The following LRBA variants were observed in gnomAD, a reference collection of about 807,000 sequenced individuals.
LRBA encodes LPS responsive beige-like anchor protein, also known as lipopolysaccharide-responsive and beige-like anchor protein.
In LRBA, 176 loss-of-function variants were observed where a neutral mutation model predicts 330.0. The ratio of observed to expected loss-of-function variants is 0.53; its 90% CI spans 0.47 to 0.60. The LOEUF (loss-of-function observed/expected upper bound fraction) is 0.60, where lower values mean the gene tolerates loss of function less well. Among genes scored for constraint, LRBA ranks in the 20% least tolerant of loss-of-function variants. LRBA has a pLI of 0.00. For missense variants in LRBA, 3,259 were observed against 3,444.8 expected (o/e 0.95, Z 1.35); for synonymous variants, 1,230 against 1,193.0 (o/e 1.03, Z -0.64).
chr4:150,970,106 T>G (rs751124698), intron 2 of LRBA, among the ~76,000 whole-genome samples: 3 of 152,224 alleles, frequency 2.0e-5, no homozygotes, highest in Non-Finnish European at 2.9e-5. Flanking sequence ...TAGGACACTC[T>G]GAATGCTCAG....
At chr4:150,320,324 G>A (rs887365097) in intron 50 of LRBA, among the ~76,000 whole-genome samples, 2 of 152,050 alleles carry the variant, frequency 1.3e-5, no homozygotes, top group Non-Finnish European at 2.9e-5. Flanking sequence ...TGATTCTAAT[G>A]GTTATTTCAG....
intron 40 of LRBA, among the ~76,000 whole-genome samples, chr4:150,500,159 C>A (rs776900647): frequency 6.6e-6 from 1 of 151,986 alleles, no homozygotes. Context: ...ATGCTAATTA[C>A]CCTGATCTGA....
At chr4:150,877,527 A>T (rs1754182015) in intron 17 of LRBA, among the ~76,000 whole-genome samples, 1 of 152,248 alleles carries the variant, frequency 6.6e-6, no homozygotes. Context: ...TCAGATATAT[A>T]AAACAACGAC....
At chr4:150,377,469 A>G (rs906009709) in intron 47 of LRBA, among the ~76,000 whole-genome samples, 6 of 152,206 alleles carry the variant, frequency 3.9e-5, no homozygotes, top group Non-Finnish European at 5.9e-5. Context: ...AAGGACCCTT[A>G]TACTATGCAG....
At chr4:150,504,689 C>T (rs914979236) in intron 40 of LRBA, among the ~76,000 whole-genome samples, 22 of 152,252 alleles carry the variant, frequency 1.4e-4, no homozygotes, top group South Asian at 4.1e-4. Flanking sequence ...CATCAACTAA[C>T]GAGCAAAATA....
intron 53 of LRBA, among the ~76,000 whole-genome samples, chr4:150,289,079 A>G (rs1316761566): frequency 6.6e-6 from 1 of 152,156 alleles, no homozygotes; most frequent in Non-Finnish European, 1.5e-5. Context: ...TCTTTAATGT[A>G]AAAGAGTTGA....
chr4:150,333,843 G>GA (rs1361766593), intron 48 of LRBA, among the ~76,000 whole-genome samples: 2 of 152,044 alleles, frequency 1.3e-5, no homozygotes, highest in Admixed American at 6.5e-5. Flanking sequence ...ATTCCTAAAG[G>GA]AAAAAAATCC....
At chr4:150,450,853 G>A (rs965263995) in intron 44 of LRBA, among the ~76,000 whole-genome samples, 2 of 151,988 alleles carry the variant, frequency 1.3e-5, no homozygotes, top group Admixed American at 6.6e-5. Context: ...TGGCCAACAC[G>A]GCAAAACCTG....
chr4:150,670,298 T>TC (rs1302992497), intron 37 of LRBA, among the ~76,000 whole-genome samples: 10 of 152,214 alleles, frequency 6.6e-5, no homozygotes, highest in African/African-American at 2.2e-4. Flanking sequence ...TACCTCCCAT[T>TC]TATAAATTAT....
intron 2 of LRBA, among the ~76,000 whole-genome samples, chr4:150,945,737 G>C (rs1453995091): frequency 6.6e-6 from 1 of 151,918 alleles, no homozygotes; most frequent in Non-Finnish European, 1.5e-5. Flanking sequence ...TTCAAATGCA[G>C]ACAAATTTTT....
intron 47 of LRBA, among the ~76,000 whole-genome samples, chr4:150,353,733 T>TA (rs1275215465): frequency 6.6e-6 from 1 of 152,160 alleles, no homozygotes; most frequent in Non-Finnish European, 1.5e-5. Context: ...GACCTCACCT[T>TA]ACATTGTCAT....
intron 30 of LRBA, among the ~76,000 whole-genome samples, chr4:150,825,904 G>A (rs559588635): frequency 1.3e-5 from 2 of 151,964 alleles, no homozygotes; most frequent in South Asian, 2.1e-4. Context: ...AATTAATCCC[G>A]CATAAGAACT....
At chr4:150,336,201 C>T (rs1734707889) in intron 48 of LRBA, among the ~76,000 whole-genome samples, 1 of 152,160 alleles carries the variant, frequency 6.6e-6, no homozygotes. Flanking sequence ...CTTTTCTGCT[C>T]CTCTCCCAAG....
At chr4:150,451,329 GA>G (rs1753315827) in intron 44 of LRBA, among the ~76,000 whole-genome samples, 1 of 151,586 alleles carries the variant, frequency 6.6e-6, no homozygotes, top group Non-Finnish European at 1.5e-5. Context: ...CTCAGTAACT[GA>G]AAAGAACTGA....
chr4:150,359,980 A>AG (rs1241409699), intron 47 of LRBA, among the ~76,000 whole-genome samples: 2 of 7,702 alleles, frequency 2.6e-4, no homozygotes, highest in Non-Finnish European at 4.7e-3. Flanking sequence ...ACTCCGTCTC[A>AG]AAAAAAAAAG....
chr4:150,865,401 T>C (rs1330739322), intron 22 of LRBA, among the ~76,000 whole-genome samples: 2 of 152,184 alleles, frequency 1.3e-5, no homozygotes, highest in African/African-American at 2.4e-5. Context: ...ATATACAATA[T>C]ATAAAGGAAT....
intron 33 of LRBA, among the ~76,000 whole-genome samples, chr4:150,801,738 CTAAA>C (rs1230487941): frequency 2.0e-5 from 3 of 152,120 alleles, no homozygotes; most frequent in Non-Finnish European, 4.4e-5. Context: ...GTCCTTCCTG[CTAAA>C]TAACATGCTC....
chr4:150,868,698 G>T (rs980731532), intron 20 of LRBA, among the ~76,000 whole-genome samples: 1 of 152,176 alleles, frequency 6.6e-6, no homozygotes, highest in African/African-American at 2.4e-5. Context: ...AACATTTTGG[G>T]AAGCTGAGGT....
chr4:150,687,981 G>A (rs190839354), intron 36 of LRBA, among the ~76,000 whole-genome samples: 7 of 152,200 alleles, frequency 4.6e-5, no homozygotes, highest in Non-Finnish European at 7.4e-5. Context: ...CCAAAAAAGA[G>A]CCCATATAGC....
Sources: gnomAD v4.1 joint callset for allele counts (sites outside exome capture counted in the v4.1 genomes callset) on GRCh38, gnomAD v4.1.1 for gene constraint, MANE v1.5 for transcripts, NCBI Gene and HGNC (gene_info 2026-07-23, HGNC 2026-07-21) for gene names.